Variants in DBF4B observed in about 807,000 individuals in gnomAD.
The protein encoded by DBF4B is DBF4B-CDC7 kinase regulatory subunit.
DBF4B carries 49 observed loss-of-function variants against 53.4 expected under a neutral mutation model. That is an observed-to-expected ratio of 0.92 (90% CI 0.73 to 1.16). DBF4B has a LOEUF of 1.16. DBF4B is among the 50% of genes most tolerant of loss of function. The pLI, the probability that DBF4B is intolerant of heterozygous loss-of-function variation, is 0.00. For synonymous variants in DBF4B, 257 were observed against 288.7 expected (o/e 0.89, Z 1.11); for missense variants, 692 against 775.0 (o/e 0.89, Z 1.27).
intron 8 of DBF4B, 93 bp downstream of exon 8, chr17:44,736,959 T>C (rs953735683): frequency 6.9e-6 from 10 of 1,454,708 alleles, no homozygotes; most frequent in Non-Finnish European, 7.7e-6. Context: ...TGCTCACTTT[T>C]CTGTGGCAGC....
chr17:44,741,451 A>G lies in DBF4B; in HGVS notation c.829A>G (p.Arg277Gly). ...GACCCTGGGCAGCATGCACCATACCAGGTGGGTCTTTCTGGTTCCTGAGTA... is the reference window on the plus strand; with the variant it reads ...GACCCTGGGCAGCATGCACCATACCGGGTGGGTCTTTCTGGTTCCTGAGTA... ...PTTLGSMHHT[R>G]ESKDGEPSPR... Residue 277 changes from arginine (R) to glycine (G), a missense_variant and splice_region_variant, in exon 10 of 14, where the codon AGA (arginine) becomes GGA (glycine). Physicochemically the swap from Arg to Gly is moderately radical, Grantham distance 125. Around this residue, in one of 3 missense-constraint regions of DBF4B, gnomAD observed 597 missense variants for 665.8 expected, o/e 0.90. Transcript: ENST00000315005. 1 of 1,590,812 alleles carries G rather than the reference A, an allele frequency of 6.3e-7. No homozygotes were observed. The highest frequency in any genetic ancestry group is 8.6e-7 in the Non-Finnish European group (1 of 1,167,692).
At chr17:44,718,029 A>G (rs8065177) in intron 2 of DBF4B, among the ~76,000 whole-genome samples, 3,988 of 152,036 alleles carry the variant, frequency 0.026, 161 homozygotes, top group African/African-American at 0.089. Context: ...CTGTCTCAAA[A>G]AAAAGAAAGA....
intron 13 of DBF4B, 31 bp from the exon 14 acceptor site, chr17:44,750,564 G>A: frequency 1.3e-6 from 2 of 1,568,756 alleles, no homozygotes; most frequent in Non-Finnish European, 1.7e-6. Flanking sequence ...GGGCTGGAAT[G>A]CCATATGTCG....
chr17:44,748,923 C>A (rs1452436443), intron 13 of DBF4B: 1 of 1,290,030 alleles, frequency 7.8e-7, no homozygotes, highest in Non-Finnish European at 1.0e-6. Context: ...CAGACCCCTT[C>A]CCCTGGCAGC....
rs943638943 is a variant in DBF4B, at chr17:44,751,786, T to C, written c.*533T>C. The C allele has an allele frequency of 2.0e-5, 30 of 1,513,952 alleles. No homozygotes were observed. In the East Asian group the frequency reaches 6.2e-4, roughly 31 times the overall value. 93.8% of individuals were successfully genotyped at this position (1,513,952 alleles called of 1,614,324 possible). A position where few individuals can be genotyped will look rare whatever the true frequency, so the allele number is the denominator to read the frequency against. ...ACTAAGATCATCTATTCCAAGGTCA[T>C]GGACAGGCTACTGGTGACCAAAGTT... On this transcript the variant is annotated 3_prime_UTR_variant, in exon 14 of 14. Coordinates refer to ENST00000315005, the MANE Select transcript of DBF4B (RefSeq NM_145663.3).
intron 9 of DBF4B, among the ~76,000 whole-genome samples, 184 bp downstream of exon 9, chr17:44,738,608 G>A (rs1475671978): frequency 6.6e-6 from 1 of 152,178 alleles, no homozygotes; most frequent in Non-Finnish European, 1.5e-5. Context: ...ACCAGGAGGA[G>A]CCTCAGAGTG....
At chr17:44,727,258 A>G (rs1033337451) in intron 3 of DBF4B, among the ~76,000 whole-genome samples, 1 of 151,568 alleles carries the variant, frequency 6.6e-6, no homozygotes, top group Admixed American at 6.6e-5. Context: ...CTCTACTAAA[A>G]ATATAAAAAA....
chr17:44,709,439 G>C, intron 2 of DBF4B, 73 bp downstream of exon 2: 1 of 1,502,354 alleles, frequency 6.7e-7, no homozygotes, highest in Non-Finnish European at 9.3e-7. Flanking sequence ...ACCGAAAAAT[G>C]TTCCCCCTGT....
At chr17:44,711,924 G>C (rs1285034927) in intron 2 of DBF4B, among the ~76,000 whole-genome samples, 1 of 148,824 alleles carries the variant, frequency 6.7e-6, no homozygotes, top group Non-Finnish European at 1.5e-5. Context: ...GACAGAGCAA[G>C]ACTCTGTCTC....
chr17:44,727,476 C>G (rs1974462182), intron 3 of DBF4B, among the ~76,000 whole-genome samples: 1 of 151,838 alleles, frequency 6.6e-6, no homozygotes, highest in African/African-American at 2.4e-5. Context: ...AGACTAATAA[C>G]TGGGGAAACT....
Position 44,747,561 on chromosome 17 carries a change from G to A in DBF4B, c.1064+46G>A, listed in dbSNP as rs569357770. The A allele has an allele frequency of 3.1e-6, 5 of 1,606,280 alleles. No individual in the cohort carries two copies. The East Asian group carries it at 6.7e-5, about 22-fold the overall frequency. On this transcript the variant is annotated intron_variant, in intron 12 of 13. Transcript: ENST00000315005. Reference sequence around the variant, plus strand: ...CACAACTGTGTCTGCTCTCTCCTCTGTTGCCCTCTGGGTGGGAAGAGACCC... The same window carrying A: ...CACAACTGTGTCTGCTCTCTCCTCTATTGCCCTCTGGGTGGGAAGAGACCC...
At chr17:44,723,111 G>A in intron 3 of DBF4B, 89 bp downstream of exon 3, 4 of 1,525,150 alleles carry the variant, frequency 2.6e-6, no homozygotes, top group Non-Finnish European at 3.5e-6. Context: ...TGGTTTCCAA[G>A]TATTTTCTTT....
At chr17:44,709,623 C>T (rs1972684100) in intron 2 of DBF4B, among the ~76,000 whole-genome samples, 1 of 152,056 alleles carries the variant, frequency 6.6e-6, no homozygotes, top group Non-Finnish European at 1.5e-5. Flanking sequence ...ACCAGGCCCA[C>T]TTAGTGGTTT....
intron 6 of DBF4B, among the ~76,000 whole-genome samples, chr17:44,733,076 A>G (rs1974991195): frequency 6.6e-6 from 1 of 151,218 alleles, no homozygotes; most frequent in African/African-American, 2.4e-5. Context: ...GAGGCAGGAG[A>G]ATGGCGTGAA....
At chr17:44,744,081 A>ACACCCCCCC (rs1976347928) in intron 10 of DBF4B, among the ~76,000 whole-genome samples, 1 of 8,694 alleles carries the variant, frequency 1.2e-4, no homozygotes, top group Non-Finnish European at 1.8e-4. Flanking sequence ...TAATGAGACC[A>ACACCCCCCC]CCCCCCCCCC....
chr17:44,748,247 C>A, intron 12 of DBF4B, 94 bp from the exon 13 acceptor site: 1 of 1,483,730 alleles, frequency 6.7e-7, no homozygotes, highest in Non-Finnish European at 9.1e-7. Flanking sequence ...GCACATGAAC[C>A]GCCAGCTGTG....
chr17:44,716,580 C>T (rs78806890), intron 2 of DBF4B, among the ~76,000 whole-genome samples: 2,764 of 152,206 alleles, frequency 0.018, 77 homozygotes, highest in African/African-American at 0.061. Context: ...TTGTAAGATA[C>T]TAAGTGGCAT....
At chr17:44,748,223 A>G (rs2049160294) in intron 12 of DBF4B, 118 bp from the exon 13 acceptor site, 2 of 1,349,828 alleles carry the variant, frequency 1.5e-6, no homozygotes, top group Non-Finnish European at 2.0e-6. Context: ...GCCTCAGAGA[A>G]GGCAGCTCTC....
intron 3 of DBF4B, among the ~76,000 whole-genome samples, chr17:44,727,683 A>T (rs1299442237): frequency 6.6e-6 from 1 of 152,144 alleles, no homozygotes; most frequent in Non-Finnish European, 1.5e-5. Flanking sequence ...GGCTTAAAGC[A>T]ACAATTTATT....
Sources: gnomAD v4.1 joint callset for allele counts (sites outside exome capture counted in the v4.1 genomes callset) on GRCh38, gnomAD v4.1.1 for gene constraint, gnomAD v4.1.1 regional missense constraint, MANE v1.5 for transcripts, NCBI Gene and HGNC (gene_info 2026-07-23, HGNC 2026-07-21) for gene names.